Variants in CNTLN observed in about 807,000 individuals in gnomAD.
The protein encoded by CNTLN is centlein, centrosomal protein.
A neutral mutation model predicts 180.0 loss-of-function variants in CNTLN; 212 were observed. The observed-to-expected ratio is 1.18, with a 90% CI of 1.05 to 1.32. The LOEUF (loss-of-function observed/expected upper bound fraction) is 1.32. CNTLN is among the 40% of genes most tolerant of loss of function. CNTLN has a pLI of 0.00. For missense variants in CNTLN, 2,095 were observed against 1,610.9 expected (o/e 1.30, Z -5.14); for synonymous variants, 722 against 563.1 (o/e 1.28, Z -3.99).
rs758916554 is a variant in CNTLN at position 17,309,257 on chromosome 9, G to C, written c.1341+5G>C. The C allele has an allele frequency of 6.5e-7, 1 of 1,537,264 alleles. No individual in the cohort carries two copies. The highest frequency in any genetic ancestry group is 1.3e-5 in the South Asian group (1 of 76,986). ...GATCCAGACTACTCAGCACAGGTGA[G>C]AGACATTTTCTAAAACTGTTATTCA... On this transcript the variant is annotated splice_donor_5th_base_variant and intron_variant, in intron 8 of 25. Transcript: ENST00000380647.
chr9:17,161,825 G>A (rs1819700625), intron 2 of CNTLN, among the ~76,000 whole-genome samples: 1 of 152,170 alleles, frequency 6.6e-6, no homozygotes, highest in Admixed American at 6.5e-5. Flanking sequence ...ATCTCAGGAA[G>A]TGAATTACTG....
chr9:17,179,239 G>A (rs1213982717), intron 2 of CNTLN, among the ~76,000 whole-genome samples: 8 of 103,380 alleles, frequency 7.7e-5, no homozygotes, highest in Admixed American at 1.1e-4. Flanking sequence ...GCGAGACTCC[G>A]TCTCAAAAAA....
rs568507894 is a variant in CNTLN at position 17,287,289 on chromosome 9, G to C, written c.984-10901G>C. Among the ~76,000 whole-genome samples, 24 of 150,862 alleles carry C rather than the reference G, an allele frequency of 1.6e-4. No homozygotes were observed. In the East Asian group the frequency reaches 4.1e-3, roughly 26 times the overall value. ...TCATGTGGTTTTTGTCTTTGGCTCT[G>C]TTTATATGCTGGATTACATTTATTG... is the stretch of plus-strand genomic sequence containing the variant. On this transcript the variant is annotated intron_variant, in intron 6 of 25. Transcript: ENST00000380647.
chr9:17,260,435 A>G (rs928305668), intron 5 of CNTLN, among the ~76,000 whole-genome samples: 1 of 151,502 alleles, frequency 6.6e-6, no homozygotes. Flanking sequence ...TGTGGTGCTG[A>G]AAAAAATGTA....
chr9:17,319,463 T>C (rs1410300417), intron 8 of CNTLN, among the ~76,000 whole-genome samples: 1 of 152,232 alleles, frequency 6.6e-6, no homozygotes, highest in African/African-American at 2.4e-5. Flanking sequence ...TTCATTTTTT[T>C]CTATCTGTAA....
chr9:17,208,421 C>T (rs913975217), intron 2 of CNTLN, among the ~76,000 whole-genome samples: 2 of 152,070 alleles, frequency 1.3e-5, no homozygotes, highest in African/African-American at 2.4e-5. Context: ...GGGTATTGGC[C>T]AGTGGTTTCC....
chr9:17,185,756 T>G (rs540528304), intron 2 of CNTLN, among the ~76,000 whole-genome samples: 1 of 150,104 alleles, frequency 6.7e-6, no homozygotes, highest in African/African-American at 2.5e-5. Context: ...CTTTGCTTTT[T>G]GAAATGTTTC....
chr9:17,413,169 A>G (rs1048033216), intron 16 of CNTLN, among the ~76,000 whole-genome samples: 2 of 151,770 alleles, frequency 1.3e-5, no homozygotes, highest in African/African-American at 4.8e-5. Flanking sequence ...AGGAAGGATA[A>G]TCCTTTCAAA....
intron 25 of CNTLN, among the ~76,000 whole-genome samples, chr9:17,501,156 T>A (rs1833734859): frequency 6.6e-6 from 1 of 152,216 alleles, no homozygotes; most frequent in African/African-American, 2.4e-5. Context: ...TATTCATCTG[T>A]ATCTTAAAAC....
intron 15 of CNTLN, among the ~76,000 whole-genome samples, chr9:17,405,293 A>G (rs1037179363): frequency 1.3e-5 from 2 of 151,712 alleles, no homozygotes; most frequent in African/African-American, 4.9e-5. Flanking sequence ...GTCTTCAGTC[A>G]GTGGACATTT....
intron 1 of CNTLN, among the ~76,000 whole-genome samples, chr9:17,140,192 C>T (rs955550621): frequency 6.6e-6 from 1 of 151,772 alleles, no homozygotes; most frequent in African/African-American, 2.4e-5. Flanking sequence ...TAGGTGTAAT[C>T]CAAATTGACC....
At chr9:17,358,495 A>G (rs966933349) in intron 12 of CNTLN, among the ~76,000 whole-genome samples, 1 of 152,140 alleles carries the variant, frequency 6.6e-6, no homozygotes, top group Non-Finnish European at 1.5e-5. Flanking sequence ...ACATAACTGC[A>G]CACATGTAGA....
intron 8 of CNTLN, among the ~76,000 whole-genome samples, chr9:17,325,158 T>G (rs924353431): frequency 8.1e-6 from 1 of 123,870 alleles, no homozygotes; most frequent in Non-Finnish European, 1.8e-5. Flanking sequence ...TACAATATTA[T>G]GTTAAATTGA....
In CNTLN at chr9:17,388,087, C is replaced by T. The variant is rs1374523277; in HGVS notation, c.1988-75C>T. ...ATTCACAGTTGAAAAACCATAGAAC[C>T]CTTTTTCTTAAAATGACAGGACAGT... On this transcript the variant is annotated intron_variant, in intron 13 of 25. Transcript: ENST00000380647. 7.7e-6 allele frequency: 7 copies of T among 907,096 alleles called. No homozygotes were observed. In the South Asian group the frequency reaches 1.0e-4, roughly 13 times the overall value. 56.2% of individuals were successfully genotyped at this position (907,096 alleles called of 1,614,324 possible).
intron 2 of CNTLN, among the ~76,000 whole-genome samples, chr9:17,195,631 T>A (rs1822080777): frequency 6.6e-6 from 1 of 152,178 alleles, no homozygotes; most frequent in African/African-American, 2.4e-5. Flanking sequence ...GAATGGCTAA[T>A]ATGTGCCCAG....
intron 2 of CNTLN, among the ~76,000 whole-genome samples, chr9:17,173,573 A>G (rs1366904207): frequency 1.3e-5 from 2 of 152,154 alleles, no homozygotes; most frequent in Non-Finnish European, 2.9e-5. Flanking sequence ...AAAGTTTTCA[A>G]CATTCTTATT....
At chr9:17,411,133 A>G (rs1324651326) in intron 16 of CNTLN, among the ~76,000 whole-genome samples, 1 of 152,144 alleles carries the variant, frequency 6.6e-6, no homozygotes, top group African/African-American at 2.4e-5. Context: ...TAGGTACCTC[A>G]GCACTCAAGG....
rs567907323 is a variant in CNTLN, at chr9:17,298,438, G to A, written c.1146+86G>A. The A allele has an allele frequency of 1.4e-5, 19 of 1,314,794 alleles. No homozygotes were observed. The African/African-American group carries it at 2.6e-4, about 18-fold the overall frequency. The allele number at this position is 1,314,794 out of a possible 1,614,324, so 81.4% of individuals were successfully genotyped here. A position where few individuals can be genotyped will look rare whatever the true frequency, so the allele number is the denominator to read the frequency against. Reference sequence around the variant, plus strand: ...AGAATTCAGATTTTTTCAAATTTCAGCATTTAATTTTTACTTCCTTTTACA... The same window carrying A: ...AGAATTCAGATTTTTTCAAATTTCAACATTTAATTTTTACTTCCTTTTACA... On this transcript the variant is annotated intron_variant, in intron 7 of 25. Transcript: ENST00000380647.
chr9:17,425,610 T>C (rs1829027596), intron 18 of CNTLN, among the ~76,000 whole-genome samples: 1 of 152,180 alleles, frequency 6.6e-6, no homozygotes, highest in African/African-American at 2.4e-5. Context: ...AATTGGGTAA[T>C]AGCTAGAAGA....
Sources: allele counts gnomAD v4.1 joint callset (sites outside exome capture counted in the v4.1 genomes callset), GRCh38; gene constraint gnomAD v4.1.1; transcripts MANE v1.5; gene names NCBI Gene and HGNC (gene_info 2026-07-23, HGNC 2026-07-21).